VGLL1: variants seen among roughly 807,000 people sequenced by gnomAD.
VGLL1 encodes vestigial like family member 1, also known as transcription cofactor vestigial-like protein 1.
Under a neutral mutation model 12.0 loss-of-function variants are expected in VGLL1, and 4 were observed. That is an observed-to-expected ratio of 0.33 (90% CI 0.16 to 0.76). The LOEUF (loss-of-function observed/expected upper bound fraction) is 0.76. Ranked by LOEUF, VGLL1 falls within the 30% of genes least tolerant of loss-of-function variation. The pLI, the probability that VGLL1 is intolerant of heterozygous loss-of-function variation, is 0.60. For missense variants in VGLL1, 204 were observed against 208.7 expected (o/e 0.98, Z 0.14); for synonymous variants, 87 against 81.2 (o/e 1.07, Z -0.39).
intron 2 of VGLL1, among the ~76,000 whole-genome samples, chrX:136,538,515 G>A (rs186287736): frequency 1.3e-4 from 15 of 112,443 alleles, no homozygotes; most frequent in Non-Finnish European, 2.3e-4. Context: ...TGGAAAGTGA[G>A]CAAATATATC....
chrX:136,544,095 C>A (rs1445469699), intron 2 of VGLL1, among the ~76,000 whole-genome samples: 2 of 111,724 alleles, frequency 1.8e-5, no homozygotes, highest in Non-Finnish European at 3.8e-5. Flanking sequence ...TGGGTTGTAA[C>A]CTGCTTTTTT....
intron 2 of VGLL1, among the ~76,000 whole-genome samples, chrX:136,540,806 G>A (rs894427534): frequency 9.0e-6 from 1 of 111,506 alleles, no homozygotes; most frequent in Non-Finnish European, 1.9e-5. Context: ...GGGGGTCACC[G>A]TAGAGAGGGA....
At chrX:136,550,864 T>C in intron 4 of VGLL1, 43 bp downstream of exon 4, 2 of 1,136,381 alleles carry the variant, frequency 1.8e-6, no homozygotes, top group Non-Finnish European at 2.4e-6. Flanking sequence ...GTCTGTATCC[T>C]GAGAACGAAC....
chrX:136,548,558 C>G (rs1438592889), intron 2 of VGLL1, 31 bp from the exon 3 acceptor site: 1 of 1,187,822 alleles, frequency 8.4e-7, no homozygotes, highest in South Asian at 1.8e-5. Context: ...CAATAAACAC[C>G]TAACATGTCT....
At chrX:136,553,306 CT>C (rs1226003954) in intron 4 of VGLL1, among the ~76,000 whole-genome samples, 10,922 of 72,296 alleles carry the variant, frequency 0.15, 873 homozygotes, top group African/African-American at 0.29. Flanking sequence ...ATGTTTTATT[CT>C]TTTTTTTTTT....
intron 2 of VGLL1, among the ~76,000 whole-genome samples, chrX:136,540,829 G>T (rs1325309457): frequency 9.0e-6 from 1 of 111,607 alleles, no homozygotes; most frequent in Admixed American, 9.5e-5. Context: ...ACGGTGTGGT[G>T]TACAGCTTTA....
chrX:136,551,717 T>C (rs955329419), intron 4 of VGLL1, among the ~76,000 whole-genome samples: 1 of 111,556 alleles, frequency 9.0e-6, no homozygotes, highest in Non-Finnish European at 1.9e-5. Flanking sequence ...TTGGCATACA[T>C]TAAACCATCA....
intron 2 of VGLL1, among the ~76,000 whole-genome samples, chrX:136,545,035 A>G (rs1196195095): frequency 8.9e-6 from 1 of 112,585 alleles, no homozygotes; most frequent in Non-Finnish European, 1.9e-5. Flanking sequence ...GAATAATAAC[A>G]ACAGCAACAG....
At chrX:136,537,580 G>A (rs1005030665) in intron 2 of VGLL1, among the ~76,000 whole-genome samples, 6 of 110,985 alleles carry the variant, frequency 5.4e-5, no homozygotes, top group African/African-American at 2.0e-4. Flanking sequence ...GTTTTTTAGA[G>A]ACAGGGTCTC....
intron 2 of VGLL1, 41 bp downstream of exon 2, chrX:136,536,275 A>G (rs772127213): frequency 8.7e-7 from 1 of 1,151,840 alleles, no homozygotes; most frequent in Admixed American, 2.2e-5. Context: ...TTCCCTATCA[A>G]GGCTGCCACG....
intron 4 of VGLL1, among the ~76,000 whole-genome samples, chrX:136,551,685 G>A (rs975217786): frequency 9.0e-6 from 1 of 111,633 alleles, no homozygotes; most frequent in Non-Finnish European, 1.9e-5. Flanking sequence ...TTAGAATAAT[G>A]GCTGGCACAT....
intron 4 of VGLL1, among the ~76,000 whole-genome samples, chrX:136,553,813 A>C (rs931142047): frequency 8.9e-6 from 1 of 111,788 alleles, no homozygotes; most frequent in South Asian, 3.8e-4. Flanking sequence ...TGCATCTATG[A>C]AGCAGGGGCA....
At chrX:136,541,786 G>A (rs748453663) in intron 2 of VGLL1, among the ~76,000 whole-genome samples, 49 of 112,315 alleles carry the variant, frequency 4.4e-4, no homozygotes, top group African/African-American at 1.5e-3. Flanking sequence ...GACCCGTGTG[G>A]CTAGGAAATG....
intron 1 of VGLL1, 102 bp from the exon 2 acceptor site, chrX:136,535,894 C>A (rs758893954): frequency 1.5e-6 from 1 of 645,807 alleles, no homozygotes; most frequent in East Asian, 3.3e-5. Context: ...GCACGTGTAC[C>A]TGGTGGGAGC....
chrX:136,536,001 A>T lies in VGLL1; in HGVS notation c.-20A>T. On this transcript the variant is annotated 5_prime_UTR_variant, in exon 2 of 5. Transcript: ENST00000370634. ...ATTTTGCCTTTGGTCCACAGCTGTC[A>T]CCTGTGTCATTCACTCACAATGGAA... 1 of 1,203,531 alleles carries T rather than the reference A, an allele frequency of 8.3e-7. No individual in the cohort carries two copies. The highest frequency in any genetic ancestry group is 1.1e-6 in the Non-Finnish European group (1 of 888,948).
chrX:136,548,464 A>G, intron 2 of VGLL1, 125 bp from the exon 3 acceptor site: 2 of 714,575 alleles, frequency 2.8e-6, no homozygotes, highest in Non-Finnish European at 4.1e-6. Context: ...CATTAGGATG[A>G]TTTTATTTTA....
intron 4 of VGLL1, among the ~76,000 whole-genome samples, chrX:136,553,306 CTTTTTTTTT>C (rs1226003954): frequency 1.4e-5 from 1 of 72,416 alleles, no homozygotes; most frequent in Non-Finnish European, 2.5e-5. Context: ...ATGTTTTATT[CTTTTTTTTT>C]TTTTTTTTTT....
intron 2 of VGLL1, among the ~76,000 whole-genome samples, chrX:136,542,604 G>A (rs186568022): frequency 3.7e-4 from 42 of 112,402 alleles, no homozygotes; most frequent in African/African-American, 9.7e-4. Flanking sequence ...CCATTTGTGC[G>A]TTTTTCTGCA....
intron 4 of VGLL1, among the ~76,000 whole-genome samples, chrX:136,551,706 G>A (rs767996072): frequency 9.9e-5 from 11 of 111,501 alleles, no homozygotes; most frequent in Non-Finnish European, 1.7e-4. Context: ...TACTCTAAGC[G>A]TTGGCATACA....
Sources: allele counts gnomAD v4.1 joint callset (sites outside exome capture counted in the v4.1 genomes callset), GRCh38; gene constraint gnomAD v4.1.1; transcripts MANE v1.5; gene names NCBI Gene and HGNC (gene_info 2026-07-23, HGNC 2026-07-21).